The following TOGARAM2 variants were observed in gnomAD, a reference collection of about 807,000 sequenced individuals.
The protein encoded by TOGARAM2 is TOG array regulator of axonemal microtubules 2.
A neutral mutation model predicts 93.3 loss-of-function variants in TOGARAM2; 85 were observed. That is an observed-to-expected ratio of 0.91 (90% CI 0.76 to 1.09). TOGARAM2 has a LOEUF of 1.09. TOGARAM2 is among the 50% of genes least tolerant of loss of function. The pLI is 0.00. For synonymous variants in TOGARAM2, 593 were observed against 552.8 expected (o/e 1.07, Z -1.02); for missense variants, 1,277 against 1,334.5 (o/e 0.96, Z 0.67).
chr2:29,004,592 TTGTG>T (rs1432024838), intron 6 of TOGARAM2, among the ~76,000 whole-genome samples: 1 of 151,958 alleles, frequency 6.6e-6, no homozygotes, highest in Non-Finnish European at 1.5e-5. Context: ...CTGAGTGTCT[TTGTG>T]TGTGCACACA....
Position 28,994,818 on chromosome 2 carries a change from C to A in TOGARAM2, c.-17C>A, listed in dbSNP as rs970798650. Reference sequence around the variant, plus strand: ...CTGCCTCTGGGCAACCTTGTAGGCACCTTCTCCACCCAGGACATGGGCACC... The same window carrying A: ...CTGCCTCTGGGCAACCTTGTAGGCAACTTCTCCACCCAGGACATGGGCACC... On this transcript the variant is annotated 5_prime_UTR_variant, in exon 2 of 20. Transcript: ENST00000379558. 25 of 1,552,008 alleles carry A rather than the reference C, an allele frequency of 1.6e-5. 1 individual carries two copies. Among genetic ancestry groups the A allele is most frequent in the Non-Finnish European group, 2.1e-5 (24 of 1,147,214 alleles).
intron 2 of TOGARAM2, among the ~76,000 whole-genome samples, chr2:28,997,890 C>G (rs760532360): frequency 6.6e-6 from 1 of 151,844 alleles, no homozygotes; most frequent in Non-Finnish European, 1.5e-5. Context: ...AGCCAGGATG[C>G]GAGGAGGGAG....
chr2:28,957,556 A>AT (rs1190693508), intron 1 of TOGARAM2, among the ~76,000 whole-genome samples: 3 of 152,220 alleles, frequency 2.0e-5, no homozygotes, highest in Non-Finnish European at 4.4e-5. Flanking sequence ...AATGATGATG[A>AT]TTTTTTAAAA....
At chr2:29,006,334 G>A (rs1316701540) in intron 6 of TOGARAM2, among the ~76,000 whole-genome samples, 2 of 145,082 alleles carry the variant, frequency 1.4e-5, no homozygotes, top group South Asian at 2.2e-4. Flanking sequence ...GTGTGCATGT[G>A]TGTGTATGTG....
At position 29,017,905 on chromosome 2, in the gene TOGARAM2, C is replaced by CCCAG. The variant is rs1183710009; in HGVS notation, c.1311_1314dup (p.Ile439GlnfsTer18). The CCCAG allele has an allele frequency of 1.5e-5, 24 of 1,611,896 alleles. No individual in the cohort carries two copies. Among genetic ancestry groups the CCCAG allele is most frequent in the Non-Finnish European group, 2.0e-5 (23 of 1,179,204 alleles). ...GAAGTGGGCCAGCCGGGCCTCCCTG[C>CCCAG]CCAGCATCCCCATCAGCCGGCAGGA... On this transcript the variant is annotated frameshift_variant, in exon 10 of 20. Coordinates refer to ENST00000379558, the MANE Select transcript of TOGARAM2 (RefSeq NM_199280.4). LOFTEE classifies it high-confidence loss of function.
rs890893540 is a variant in TOGARAM2, at chr2:28,956,678, T to G, written c.-166T>G. Reference sequence around the variant, plus strand: ...ACCTCGTGCCTGCCTTATGTGCACCTGTGCCAGCATCTTTCTCAGGTGGGT... The same window carrying G: ...ACCTCGTGCCTGCCTTATGTGCACCGGTGCCAGCATCTTTCTCAGGTGGGT... On this transcript the variant is annotated 5_prime_UTR_variant, in exon 1 of 7. Coordinates refer to the TOGARAM2 transcript ENST00000401723. This position sits in a 1 kb window ranked among gnomAD's most constrained non-coding sequence, Gnocchi z 4.5. 3 of 152,240 alleles carry G rather than the reference T, an allele frequency of 2.0e-5. No homozygotes were observed. The highest frequency in any genetic ancestry group is 4.4e-5 in the Non-Finnish European group (3 of 68,044). The allele number at this position is 152,240 out of a possible 1,614,324, so 9.4% of individuals were successfully genotyped here. A position where few individuals can be genotyped will look rare whatever the true frequency, so the allele number is the denominator to read the frequency against.
intron 10 of TOGARAM2, among the ~76,000 whole-genome samples, chr2:29,020,167 G>T (rs1461653732): frequency 6.6e-6 from 1 of 151,874 alleles, no homozygotes; most frequent in African/African-American, 2.4e-5. Context: ...GGCTCTAGCG[G>T]TGGGAAGAGC....
At chr2:29,033,173 C>A in intron 15 of TOGARAM2, 122 bp downstream of exon 15, 2 of 784,252 alleles carry the variant, frequency 2.6e-6, no homozygotes, top group Non-Finnish European at 4.2e-6. Flanking sequence ...TGATTTCATC[C>A]ACTACTCCTG....
chr2:28,985,266 A>G (rs543337204), intron 1 of TOGARAM2, among the ~76,000 whole-genome samples: 1 of 152,018 alleles, frequency 6.6e-6, no homozygotes, highest in Admixed American at 6.5e-5. Flanking sequence ...GTGAGTCCTC[A>G]CCAGGAGTGG....
chr2:28,994,328 G>T (rs564585949), intron 1 of TOGARAM2, among the ~76,000 whole-genome samples: 93 of 152,324 alleles, frequency 6.1e-4, no homozygotes, highest in Middle Eastern at 3.4e-3. Context: ...ATCAGTGGTT[G>T]CAGAGGCCAA....
At chr2:28,972,144 A>G (rs1428063455) in intron 1 of TOGARAM2, among the ~76,000 whole-genome samples, 1 of 152,124 alleles carries the variant, frequency 6.6e-6, no homozygotes, top group East Asian at 1.9e-4. Context: ...GCTGGAGTGC[A>G]GTGGTGTGAT....
At chr2:28,999,583 G>A (rs1232389062) in intron 4 of TOGARAM2, 115 bp downstream of exon 4, 1 of 1,209,536 alleles carries the variant, frequency 8.3e-7, no homozygotes, top group Non-Finnish European at 1.1e-6. Context: ...ATGCCCTGGG[G>A]GTGATCGGTG....
chr2:29,011,933 C>A (rs375405733), intron 7 of TOGARAM2, among the ~76,000 whole-genome samples: 1 of 152,168 alleles, frequency 6.6e-6, no homozygotes. Context: ...CTGCCCCTTG[C>A]GGTGTGTTAA....
intron 18 of TOGARAM2, among the ~76,000 whole-genome samples, chr2:29,042,085 C>T (rs1270009963): frequency 1.3e-5 from 2 of 152,170 alleles, no homozygotes; most frequent in African/African-American, 4.8e-5. Context: ...ATGGAAGAAC[C>T]AGGATTCAAA....
intron 1 of TOGARAM2, 117 bp from the exon 2 acceptor site, chr2:28,994,608 T>A (rs994047325): frequency 4.7e-6 from 2 of 422,240 alleles, no homozygotes; most frequent in African/African-American, 4.0e-5. Flanking sequence ...CATCCTTTGG[T>A]TTAGTGGCCG....
chr2:29,010,619 T>A (rs72788124), intron 6 of TOGARAM2, among the ~76,000 whole-genome samples: 11,440 of 152,074 alleles, frequency 0.075, 511 homozygotes, highest in African/African-American at 0.12. Flanking sequence ...GACCTGTTGC[T>A]GTGGCTTGTT....
Position 29,024,334 on chromosome 2 carries a change from C to G in TOGARAM2, c.1813C>G (p.Leu605Val), listed in dbSNP as rs946735762. ...SLRAMVENVTLARSLVVLTSA... is the reference protein window; with the variant it reads ...SLRAMVENVTVARSLVVLTSA... ...GAGGGCTATGGTGGAGAATGTGACC[C>G]TTGCCCGCTCCCTGGTGGTCCTCAC... The change falls in exon 13 of 20, where the codon CTT (leucine) becomes GTT (valine). Residue 605 changes from leucine (L) to valine (V), a missense_variant. Transcript: ENST00000379558. 2 of 1,611,820 alleles carry G rather than the reference C, an allele frequency of 1.2e-6. No homozygotes were observed. The highest frequency in any genetic ancestry group is 1.7e-6 in the Non-Finnish European group (2 of 1,179,104).
At chr2:28,987,562 T>C (rs1042218498) in intron 1 of TOGARAM2, among the ~76,000 whole-genome samples, 15 of 152,226 alleles carry the variant, frequency 9.9e-5, no homozygotes, top group Admixed American at 3.9e-4. Flanking sequence ...GTGCTGGGAT[T>C]ACAGGTGTGA....
At chr2:28,981,001 A>G (rs1672160828), upstream of TOGARAM2, among the ~76,000 whole-genome samples, 2 of 152,246 alleles carry the variant, frequency 1.3e-5, no homozygotes, top group Admixed American at 6.5e-5. Flanking sequence ...TAGGAGAGTT[A>G]GTAAACAGAA....
Sources: gnomAD v4.1 joint callset for allele counts (sites outside exome capture counted in the v4.1 genomes callset) on GRCh38, gnomAD v4.1.1 for gene constraint, Gnocchi (gnomAD v3.1) non-coding constraint, MANE v1.5 for transcripts, NCBI Gene and HGNC (gene_info 2026-07-23, HGNC 2026-07-21) for gene names.